Variants in GRXCR1 observed in about 807,000 individuals in gnomAD.
GRXCR1 encodes the protein glutaredoxin and cysteine rich domain containing 1.
In GRXCR1, 27 loss-of-function variants were observed where a neutral mutation model predicts 27.3. That is an observed-to-expected ratio of 0.99 (90% CI 0.73 to 1.37). The LOEUF (loss-of-function observed/expected upper bound fraction) is 1.37, where lower values mean the gene tolerates loss of function less well. GRXCR1 is among the 40% of genes most tolerant of loss of function. GRXCR1 has a pLI of 0.00. For synonymous variants in GRXCR1, 122 were observed against 131.1 expected (o/e 0.93, Z 0.47); for missense variants, 379 against 354.4 (o/e 1.07, Z -0.56).
chr4:43,009,985 G>A (rs1712687692), intron 2 of GRXCR1, among the ~76,000 whole-genome samples: 1 of 152,110 alleles, frequency 6.6e-6, no homozygotes, highest in Admixed American at 6.6e-5. Flanking sequence ...GAATGCAGGG[G>A]TATACATTTC....
At chr4:43,012,830 A>C (rs1577945129) in intron 2 of GRXCR1, among the ~76,000 whole-genome samples, 1 of 152,162 alleles carries the variant, frequency 6.6e-6, no homozygotes, top group African/African-American at 2.4e-5. Context: ...CGTTCTAAAA[A>C]TCAGTTTATC....
At chr4:42,952,939 A>C (rs754310797) in intron 1 of GRXCR1, among the ~76,000 whole-genome samples, 1 of 152,206 alleles carries the variant, frequency 6.6e-6, no homozygotes, top group African/African-American at 2.4e-5. Flanking sequence ...TTCTGATTCT[A>C]TGCTCACTAA....
In GRXCR1 at chr4:42,969,264, T is replaced by C. The variant is rs368625740; in HGVS notation, c.627+6130T>C. On this transcript the variant is annotated intron_variant, in intron 2 of 3. Coordinates refer to ENST00000399770, the MANE Select transcript of GRXCR1 (RefSeq NM_001080476.3). ...CTGCATGTGAGAAGTAATTTTTAAATTTTGGGGTCATGGGAGTCTTTGAAT... is the reference window on the plus strand; with the variant it reads ...CTGCATGTGAGAAGTAATTTTTAAACTTTGGGGTCATGGGAGTCTTTGAAT... 1.2e-4 allele frequency among the ~76,000 whole-genome samples: 18 copies of C among 152,288 alleles called. No individual in the cohort carries two copies. The South Asian group carries it at 3.7e-3, about 32-fold the overall frequency.
At chr4:43,003,556 G>C (rs1016823715) in intron 2 of GRXCR1, among the ~76,000 whole-genome samples, 2 of 152,230 alleles carry the variant, frequency 1.3e-5, no homozygotes, top group Non-Finnish European at 2.9e-5. Context: ...ATTTCAGGTT[G>C]AGTGGTCTCA....
chr4:43,019,776 TG>T (rs1713041122), intron 2 of GRXCR1, among the ~76,000 whole-genome samples: 1 of 152,216 alleles, frequency 6.6e-6, no homozygotes, highest in Non-Finnish European at 1.5e-5. Context: ...GCCTTGGAAT[TG>T]TTATTTAATC....
intron 2 of GRXCR1, among the ~76,000 whole-genome samples, chr4:43,003,002 G>T (rs910731779): frequency 6.6e-6 from 1 of 152,146 alleles, no homozygotes; most frequent in Non-Finnish European, 1.5e-5. Context: ...CAAGAGATAT[G>T]ATGGTTTAAA....
intron 2 of GRXCR1, among the ~76,000 whole-genome samples, chr4:43,002,072 C>T (rs1160132660): frequency 6.6e-6 from 1 of 152,258 alleles, no homozygotes; most frequent in Non-Finnish European, 1.5e-5. Context: ...TTTCTCCTAT[C>T]TCAGAATCGA....
chr4:42,990,617 T>C (rs1428340088), intron 2 of GRXCR1, among the ~76,000 whole-genome samples: 2 of 152,168 alleles, frequency 1.3e-5, no homozygotes. Context: ...GACCTAATAC[T>C]TCTTTGGAGA....
chr4:42,913,165 T>C (rs996645626), intron 1 of GRXCR1, among the ~76,000 whole-genome samples: 7 of 152,108 alleles, frequency 4.6e-5, no homozygotes, highest in Non-Finnish European at 7.4e-5. Context: ...AATAAATCAG[T>C]ACCAGGAGTG....
chr4:42,932,663 G>GAGAGAGAC (rs1747357695), intron 1 of GRXCR1, among the ~76,000 whole-genome samples: 1 of 115,914 alleles, frequency 8.6e-6, no homozygotes, highest in Non-Finnish European at 1.8e-5. Context: ...GAGAGAGAGA[G>GAGAGAGAC]AGGCAATCTG....
intron 2 of GRXCR1, among the ~76,000 whole-genome samples, chr4:42,974,910 TAGAC>T (rs544993144): frequency 5.6e-4 from 86 of 152,240 alleles, no homozygotes; most frequent in African/African-American, 1.9e-3. Flanking sequence ...CCTTGTAAAA[TAGAC>T]TGAAAACCTT....
chr4:42,929,113 T>G (rs1048330429), intron 1 of GRXCR1, among the ~76,000 whole-genome samples: 13 of 152,156 alleles, frequency 8.5e-5, no homozygotes, highest in Middle Eastern at 3.4e-3. Flanking sequence ...GTTCTGGATA[T>G]AATTTCTTAC....
intron 1 of GRXCR1, among the ~76,000 whole-genome samples, chr4:42,904,207 G>T (rs1404131252): frequency 6.6e-6 from 1 of 152,170 alleles, no homozygotes; most frequent in Non-Finnish European, 1.5e-5. Flanking sequence ...TTCAGTCCAT[G>T]TGCTACACTG....
At chr4:42,981,853 A>C (rs547518735) in intron 2 of GRXCR1, among the ~76,000 whole-genome samples, 2 of 151,894 alleles carry the variant, frequency 1.3e-5, no homozygotes, top group Non-Finnish European at 1.5e-5. Flanking sequence ...TGCTTTCGGG[A>C]TCTTCTCTTT....
intron 1 of GRXCR1, among the ~76,000 whole-genome samples, chr4:42,935,330 T>G (rs192867520): frequency 6.6e-6 from 1 of 151,914 alleles, no homozygotes; most frequent in Non-Finnish European, 1.5e-5. Context: ...TGGGGGTCCA[T>G]GGAACACATT....
intron 1 of GRXCR1, among the ~76,000 whole-genome samples, chr4:42,921,797 A>G (rs1747017262): frequency 6.6e-6 from 1 of 152,038 alleles, no homozygotes; most frequent in Non-Finnish European, 1.5e-5. Context: ...TCTTTTCTCT[A>G]TTGCTGACTT....
intron 1 of GRXCR1, among the ~76,000 whole-genome samples, chr4:42,950,963 A>G (rs1346676591): frequency 6.6e-6 from 1 of 152,160 alleles, no homozygotes; most frequent in Non-Finnish European, 1.5e-5. Flanking sequence ...ATATCTAGGA[A>G]GAGATTTATT....
intron 2 of GRXCR1, among the ~76,000 whole-genome samples, chr4:43,006,264 C>T (rs1469891464): frequency 6.6e-6 from 1 of 151,776 alleles, no homozygotes; most frequent in Non-Finnish European, 1.5e-5. Flanking sequence ...AATGTGGGCA[C>T]CTTGAAAAAA....
At chr4:43,020,214 C>T (rs1713051267) in intron 2 of GRXCR1, 140 bp from the exon 3 acceptor site, 1 of 684,936 alleles carries the variant, frequency 1.5e-6, no homozygotes, top group East Asian at 2.7e-5. Context: ...TTCTCTTTGG[C>T]ATCCTAGTTG....
Sources: allele counts gnomAD v4.1 joint callset (sites outside exome capture counted in the v4.1 genomes callset), GRCh38; gene constraint gnomAD v4.1.1; transcripts MANE v1.5; gene names NCBI Gene and HGNC (gene_info 2026-07-23, HGNC 2026-07-21).